The following TBATA variants were observed in gnomAD, a reference collection of about 807,000 sequenced individuals.
TBATA encodes thymus, brain and testes associated.
Under a neutral mutation model 38.7 loss-of-function variants are expected in TBATA, and 47 were observed. That is an observed-to-expected ratio of 1.21 (90% CI 0.96 to 1.55). TBATA has a LOEUF of 1.55. Ranked by LOEUF, TBATA falls within the 40% of genes most tolerant of loss-of-function variation. TBATA has a pLI of 0.00. For synonymous variants in TBATA, 183 were observed against 170.5 expected (o/e 1.07, Z -0.57); for missense variants, 436 against 435.6 (o/e 1.00, Z -0.01).
At chr10:70,771,958 T>G (rs1407381266) in intron 10 of TBATA, among the ~76,000 whole-genome samples, 1 of 152,152 alleles carries the variant, frequency 6.6e-6, no homozygotes, top group Non-Finnish European at 1.5e-5. Context: ...TGCACACACC[T>G]GGCCTTTACC....
intron 5 of TBATA, chr10:70,778,927 T>C (rs970959147): frequency 9.5e-6 from 5 of 525,048 alleles, no homozygotes; most frequent in Non-Finnish European, 1.7e-5. Context: ...GAATATTTGG[T>C]TACCTGTGCC....
rs2131801080 is a variant in TBATA at position 70,784,720 on chromosome 10, C to T, written c.-220G>A. The T allele has an allele frequency of 6.6e-6, 1 of 152,288 alleles. No individual in the cohort carries two copies. Among genetic ancestry groups the T allele is most frequent in the South Asian group, 2.1e-4 (1 of 4,822 alleles). 9.4% of individuals were successfully genotyped at this position (152,288 alleles called of 1,614,324 possible). On this transcript the variant is annotated 5_prime_UTR_variant, in exon 2 of 11. Transcript: ENST00000456372. ...ATGTCAGGTACTGGGCTCTAGAGTA[C>T]TGAGATGCTACAATCTTGAGAACAG...
chr10:70,778,768 A>T, intron 5 of TBATA, 132 bp from the exon 6 acceptor site: 2 of 753,690 alleles, frequency 2.7e-6, no homozygotes, highest in Non-Finnish European at 4.6e-6. Context: ...GGAAAGGGGG[A>T]GGCGGTGCCC....
intron 9 of TBATA, among the ~76,000 whole-genome samples, chr10:70,773,033 G>A (rs1264534749): frequency 2.0e-5 from 3 of 152,270 alleles, no homozygotes; most frequent in African/African-American, 7.2e-5. Context: ...TTATGTGCCC[G>A]ATGTTATTTT....
rs2254534 is a variant in TBATA, at chr10:70,778,059, A to G, written c.507+498T>C. ...TTCAAGCTGCCTCTCAGGTGACTTT[A>G]CTGTTTTATCATCAAATGGCACCCA... is the stretch of plus-strand genomic sequence containing the variant. On this transcript the variant is annotated intron_variant, in intron 6 of 10. Coordinates refer to ENST00000456372, the MANE Select transcript of TBATA (RefSeq NM_001318241.2). Among the ~76,000 whole-genome samples the G allele has an allele frequency of 1.9e-3, 284 of 152,280 alleles. 1 individual carries two copies. The highest frequency in any genetic ancestry group is 6.6e-3 in the African/African-American group (276 of 41,556).
intron 5 of TBATA, among the ~76,000 whole-genome samples, chr10:70,779,355 C>T (rs1271108347): frequency 6.6e-6 from 1 of 152,214 alleles, no homozygotes; most frequent in Non-Finnish European, 1.5e-5. Context: ...TGTGTTATTA[C>T]TCCTCAAGCA....
intron 10 of TBATA, among the ~76,000 whole-genome samples, chr10:70,771,690 A>G (rs74140361): frequency 0.027 from 4,070 of 152,130 alleles, 193 homozygotes; most frequent in African/African-American, 0.092. Flanking sequence ...TGAGATGCCT[A>G]CTCTGTGCCT....
intron 7 of TBATA, 60 bp from the exon 8 acceptor site, chr10:70,775,330 G>T: frequency 6.7e-7 from 1 of 1,499,786 alleles, no homozygotes; most frequent in Non-Finnish European, 9.3e-7. Flanking sequence ...ACAGGCAAAT[G>T]TAGGTTTGGA....
At chr10:70,779,808 G>A in intron 4 of TBATA, 66 bp from the exon 5 acceptor site, 1 of 1,468,872 alleles carries the variant, frequency 6.8e-7, no homozygotes, top group East Asian at 2.7e-5. Flanking sequence ...AGGAGGCAGG[G>A]AAGAGGCTGA....
chr10:70,772,156 CCA>C (rs1374940813), intron 10 of TBATA: 4 of 496,590 alleles, frequency 8.1e-6, no homozygotes, highest in African/African-American at 7.8e-5. Context: ...AGCCCTCTCC[CCA>C]CCTGCCAGTC....
At chr10:70,778,432 C>A in intron 6 of TBATA, 125 bp downstream of exon 6, 2 of 934,966 alleles carry the variant, frequency 2.1e-6, no homozygotes, top group South Asian at 2.7e-5. Flanking sequence ...TTTCCCCTGA[C>A]GTTTGTATGA....
At position 70,771,249 on chromosome 10, in the gene TBATA, A is replaced by C; in HGVS notation, c.*127T>G. On this transcript the variant is annotated 3_prime_UTR_variant, in exon 11 of 11. Coordinates refer to ENST00000456372, the MANE Select transcript of TBATA (RefSeq NM_001318241.2). ...GCAGAACTGTCCTCTCTCAGGGAAG[A>C]CGGTTTTATTTAGTAAGAGTTTTCA... 6.3e-7 allele frequency: 1 copy of C among 1,593,890 alleles called. No homozygotes were observed. The highest frequency in any genetic ancestry group is 8.6e-7 in the Non-Finnish European group (1 of 1,167,442).
intron 7 of TBATA, among the ~76,000 whole-genome samples, chr10:70,775,811 T>C (rs1032378144): frequency 1.3e-5 from 2 of 152,210 alleles, no homozygotes; most frequent in Non-Finnish European, 2.9e-5. Flanking sequence ...GAGGGCAGCC[T>C]GAGGCGGGGC....
At chr10:70,775,322 AGGCAAATGTAGGTTTGGAG>A in intron 7 of TBATA, 52 bp from the exon 8 acceptor site, 1 of 1,512,428 alleles carries the variant, frequency 6.6e-7, no homozygotes, top group Non-Finnish European at 9.2e-7. Flanking sequence ...CAAGGAGTAC[AGGCAAATGTAGGTTTGGAG>A]GGCACCAAGG....
chr10:70,777,189 T>C lies in TBATA; in HGVS notation c.657A>G (p.Gly219=). ...GATCCTGAAGGAGGAAAGCCTGGACTCCTTCATGTCTGCTGGAAGACTGAC... is the reference window on the plus strand; with the variant it reads ...GATCCTGAAGGAGGAAAGCCTGGACCCCTTCATGTCTGCTGGAAGACTGAC... ...QQSQSSSRHE[G]VQAFLLQDQE... is the part of the protein sequence containing the mutation. The change falls in exon 7 of 11, where the codon GGA becomes GGG. Residue 219 remains glycine (G), a synonymous_variant. Transcript: ENST00000456372. The C allele has an allele frequency of 6.2e-7, 1 of 1,613,328 alleles. No homozygotes were observed.
intron 7 of TBATA, chr10:70,776,523 T>G: frequency 2.4e-6 from 1 of 409,292 alleles, no homozygotes; most frequent in Non-Finnish European, 5.0e-6. Flanking sequence ...TCTATCCACT[T>G]TGCTGCATTG....
Position 70,779,756 on chromosome 10 carries a change from G to C in TBATA, c.278-14C>G, listed in dbSNP as rs1427419077. ...TCCCGGTGAGATCTGCAAAGGGTTA[G>C]AGGCTGTGGGAAGGGAGGCTTAGGT... On this transcript the variant is annotated splice_polypyrimidine_tract_variant and intron_variant, in intron 4 of 10. Transcript: ENST00000456372. 6.6e-7 allele frequency: 1 copy of C among 1,525,118 alleles called. No individual in the cohort carries two copies. Among genetic ancestry groups the C allele is most frequent in the Non-Finnish European group, 8.7e-7 (1 of 1,146,826 alleles). The allele number at this position is 1,525,118 out of a possible 1,614,324, so 94.5% of individuals were successfully genotyped here.
chr10:70,775,188 C>A lies in TBATA; in HGVS notation c.775+1G>T. ...ACAGTGCTGCGGGGCTGTGTCCTCA[C>A]CCTTGGGCGGAGCGTAGAGCAGCCA... On this transcript the variant is annotated splice_donor_variant, in intron 8 of 10. Transcript: ENST00000456372. LOFTEE classifies it high-confidence loss of function. The A allele has an allele frequency of 6.2e-7, 1 of 1,613,622 alleles. No homozygotes were observed. Among genetic ancestry groups the A allele is most frequent in the Non-Finnish European group, 8.5e-7 (1 of 1,179,568 alleles).
In TBATA at chr10:70,784,745, G is replaced by A. The variant is rs1844670703; in HGVS notation, c.-245C>T. The A allele has an allele frequency of 6.6e-6, 1 of 152,164 alleles. No homozygotes were observed. The highest frequency in any genetic ancestry group is 6.5e-5 in the Admixed American group (1 of 15,280). 9.4% of individuals were successfully genotyped at this position (152,164 alleles called of 1,614,324 possible). ...CTGAGATGCTACAATCTTGAGAACA[G>A]GATATGTGGAAGCCCCAAATCCTCC... On this transcript the variant is annotated 5_prime_UTR_variant, in exon 2 of 11. Transcript: ENST00000456372.
Sources: gnomAD v4.1 joint callset for allele counts (sites outside exome capture counted in the v4.1 genomes callset) on GRCh38, gnomAD v4.1.1 for gene constraint, MANE v1.5 for transcripts, NCBI Gene and HGNC (gene_info 2026-07-23, HGNC 2026-07-21) for gene names.